DPP10: variants seen among roughly 807,000 people sequenced by gnomAD.
The protein encoded by DPP10 is dipeptidyl peptidase like 10.
A neutral mutation model predicts 120.9 loss-of-function variants in DPP10; 33 were observed. That is an observed-to-expected ratio of 0.27 (90% CI 0.21 to 0.37). The LOEUF (loss-of-function observed/expected upper bound fraction) is 0.37. DPP10 is among the 10% of genes least tolerant of loss of function. The probability of loss-of-function intolerance (pLI) is 1.00; values close to 1 mark genes in which losing one functional copy is unlikely to be tolerated. For missense variants in DPP10, 816 were observed against 942.8 expected, an observed-to-expected ratio of 0.87 and a Z score of 1.76; for synonymous variants, 337 against 326.1, an observed-to-expected ratio of 1.03 and a Z score of -0.36.
chr2:115,699,049 A>AAAAAAAAAAAAAAAAAAAAAAATAAAAT (rs2091759604), intron 7 of DPP10, among the ~76,000 whole-genome samples: 1 of 144,754 alleles, frequency 6.9e-6, no homozygotes, highest in Non-Finnish European at 1.5e-5. Context: ...AAAAAAAAAA[A>AAAAAAAAAAAAAAAAAAAAAAATAAAAT]CAAGAGAAGA....
chr2:115,690,139 T>C (rs1329390050), intron 7 of DPP10, among the ~76,000 whole-genome samples: 1 of 152,194 alleles, frequency 6.6e-6, no homozygotes, highest in Non-Finnish European at 1.5e-5. Context: ...TATTAAGTAA[T>C]ATATGATTAA....
At chr2:114,462,285 A>G (rs1185561179) in intron 1 of DPP10, 5 of 382,962 alleles carry the variant, frequency 1.3e-5, no homozygotes, top group Non-Finnish European at 1.8e-5. Context: ...ACAATGAGGA[A>G]TAAACGTTGT....
intron 2 of DPP10, among the ~76,000 whole-genome samples, chr2:115,320,288 A>G (rs534254488): frequency 6.6e-6 from 1 of 152,294 alleles, no homozygotes; most frequent in African/African-American, 2.4e-5. Flanking sequence ...GTGAATTTTA[A>G]AAATCCATTC....
At chr2:114,612,197 C>T (rs996222009) in intron 1 of DPP10, among the ~76,000 whole-genome samples, 2 of 152,174 alleles carry the variant, frequency 1.3e-5, no homozygotes, top group East Asian at 3.9e-4. Context: ...CTTTCATTGA[C>T]TCTGGCTCTT....
chr2:115,392,326 A>G (rs922242835), intron 3 of DPP10, among the ~76,000 whole-genome samples: 3 of 152,112 alleles, frequency 2.0e-5, no homozygotes, highest in Non-Finnish European at 4.4e-5. Context: ...TTTATTGTCT[A>G]TAACTAGTTT....
intron 1 of DPP10, among the ~76,000 whole-genome samples, chr2:115,265,748 T>G (rs2059433129): frequency 6.6e-6 from 1 of 152,070 alleles, no homozygotes. Flanking sequence ...TATTATTAAA[T>G]GCCAAATAAA....
intron 1 of DPP10, among the ~76,000 whole-genome samples, chr2:114,568,987 A>G (rs1689419485): frequency 6.6e-6 from 1 of 152,234 alleles, no homozygotes; most frequent in East Asian, 1.9e-4. Context: ...AGGAGGTTTT[A>G]TATTTTCCTT....
chr2:115,725,672 C>G (rs1459133614), intron 7 of DPP10, among the ~76,000 whole-genome samples: 1 of 152,078 alleles, frequency 6.6e-6, no homozygotes, highest in Non-Finnish European at 1.5e-5. Context: ...AATTCAGAAC[C>G]ATATTACTTT....
At chr2:114,803,391 G>A (rs930821974) in intron 1 of DPP10, among the ~76,000 whole-genome samples, 1 of 152,206 alleles carries the variant, frequency 6.6e-6, no homozygotes, top group Non-Finnish European at 1.5e-5. Context: ...CAAAAATGTG[G>A]AAGCAACTTT....
chr2:115,267,223 G>A (rs1277214360), intron 1 of DPP10, among the ~76,000 whole-genome samples: 1 of 152,168 alleles, frequency 6.6e-6, no homozygotes, highest in African/African-American at 2.4e-5. Flanking sequence ...GTCCATAAGT[G>A]CCTCTATCAG....
intron 1 of DPP10, among the ~76,000 whole-genome samples, chr2:114,720,460 C>T (rs1701632023): frequency 6.6e-6 from 1 of 152,040 alleles, no homozygotes. Context: ...TTCTTAAGGT[C>T]TTCAGTTATA....
At chr2:114,887,177 A>G (rs1348029641) in intron 1 of DPP10, among the ~76,000 whole-genome samples, 1 of 152,140 alleles carries the variant, frequency 6.6e-6, no homozygotes, top group Non-Finnish European at 1.5e-5. Context: ...AATCCCAGTA[A>G]TGACTGATGC....
At chr2:114,579,523 C>T (rs1690324016) in intron 1 of DPP10, among the ~76,000 whole-genome samples, 1 of 152,142 alleles carries the variant, frequency 6.6e-6, no homozygotes. Context: ...CATTTTCAGC[C>T]CCTAAGAGAA....
chr2:115,152,337 GCTAC>G (rs1431128959), intron 1 of DPP10, among the ~76,000 whole-genome samples: 1 of 152,146 alleles, frequency 6.6e-6, no homozygotes, highest in African/African-American at 2.4e-5. Flanking sequence ...TGGCCTCTGG[GCTAC>G]AATTTGCCAG....
chr2:114,741,983 C>T (rs1442442490), intron 1 of DPP10, among the ~76,000 whole-genome samples: 7 of 152,184 alleles, frequency 4.6e-5, no homozygotes, highest in Non-Finnish European at 1.0e-4. Context: ...ATTTACCTAA[C>T]ACCACAAGGA....
chr2:115,334,078 T>A (rs1389833465), intron 2 of DPP10, among the ~76,000 whole-genome samples: 1 of 151,600 alleles, frequency 6.6e-6, no homozygotes, highest in Non-Finnish European at 1.5e-5. Context: ...CTGCAGGATA[T>A]TATCCGGGAG....
At chr2:114,517,539 T>C (rs1264877139) in intron 1 of DPP10, among the ~76,000 whole-genome samples, 1 of 146,690 alleles carries the variant, frequency 6.8e-6, no homozygotes, top group Non-Finnish European at 1.5e-5. Flanking sequence ...AAAAAAAAAA[T>C]TGTCTGTCTT....
intron 1 of DPP10, among the ~76,000 whole-genome samples, chr2:114,730,443 T>G (rs1374618070): frequency 6.6e-6 from 1 of 152,216 alleles, no homozygotes; most frequent in Non-Finnish European, 1.5e-5. Flanking sequence ...AAGGTTTTAT[T>G]TTAATTTGGC....
chr2:114,754,927 AG>A (rs1356771754), intron 1 of DPP10, among the ~76,000 whole-genome samples: 1 of 152,208 alleles, frequency 6.6e-6, no homozygotes, highest in Non-Finnish European at 1.5e-5. Context: ...TGGCAAACAA[AG>A]GGGCTATATT....
Sources: gnomAD v4.1 joint callset for allele counts (sites outside exome capture counted in the v4.1 genomes callset) on GRCh38, gnomAD v4.1.1 for gene constraint, MANE v1.5 for transcripts, NCBI Gene and HGNC (gene_info 2026-07-23, HGNC 2026-07-21) for gene names.